Variants in PAPPA2 observed in about 807,000 individuals in gnomAD.
The protein encoded by PAPPA2 is pappalysin 2, also known as pappalysin-2.
In PAPPA2, 86 loss-of-function variants were observed where a neutral mutation model predicts 176.4. That is an observed-to-expected ratio of 0.49 (90% CI 0.41 to 0.58). The LOEUF is 0.58. Ranked by LOEUF, PAPPA2 falls within the 20% of genes least tolerant of loss-of-function variation. PAPPA2 has a pLI of 0.00. For missense variants in PAPPA2, 2,073 were observed against 2,256.9 expected (o/e 0.92, Z 1.65); for synonymous variants, 809 against 852.2 (o/e 0.95, Z 0.88).
intron 1 of PAPPA2, among the ~76,000 whole-genome samples, chr1:176,500,131 G>A (rs1490725836): frequency 1.5e-5 from 2 of 134,728 alleles, no homozygotes; most frequent in Non-Finnish European, 3.2e-5. Context: ...AAATATGTAA[G>A]TACATAAAAA....
chr1:176,513,936 T>C (rs1370581912), intron 1 of PAPPA2, among the ~76,000 whole-genome samples: 1 of 152,132 alleles, frequency 6.6e-6, no homozygotes, highest in Non-Finnish European at 1.5e-5. Context: ...AAGAGCATCA[T>C]CCATCCACAT....
Position 176,540,949 on chromosome 1 carries a change from T to C in PAPPA2, c.-916-14458T>C, listed in dbSNP as rs118119323. Among the ~76,000 whole-genome samples, 141 of 152,232 alleles carry C rather than the reference T, an allele frequency of 9.3e-4. 5 individuals are homozygous for C. In the East Asian group the frequency reaches 0.026, roughly 29 times the overall value. ...GGCCTCTGTAACCAACATTTTTCAG[T>C]GATAATTTGAGGCACATTATGTGGC... On this transcript the variant is annotated intron_variant, in intron 1 of 22. Coordinates refer to ENST00000367662, the MANE Select transcript of PAPPA2 (RefSeq NM_020318.3).
At chr1:176,652,887 C>T (rs565770439) in intron 3 of PAPPA2, among the ~76,000 whole-genome samples, 9 of 151,812 alleles carry the variant, frequency 5.9e-5, no homozygotes, top group East Asian at 2.0e-4. Context: ...GTCCAATTCT[C>T]ACTTCTCTGC....
intron 17 of PAPPA2, among the ~76,000 whole-genome samples, chr1:176,771,822 A>G (rs565265532): frequency 9.6e-4 from 146 of 152,312 alleles, no homozygotes; most frequent in African/African-American, 3.3e-3. Flanking sequence ...CCGAAAGAAC[A>G]AAAGCTTTAT....
chr1:176,733,499 A>G (rs571648995), intron 12 of PAPPA2, among the ~76,000 whole-genome samples: 1 of 152,210 alleles, frequency 6.6e-6, no homozygotes, highest in Non-Finnish European at 1.5e-5. Context: ...TTCCTGTTTC[A>G]TTGTTACTAA....
intron 2 of PAPPA2, among the ~76,000 whole-genome samples, chr1:176,585,543 T>C (rs1653254064): frequency 6.6e-6 from 1 of 152,114 alleles, no homozygotes; most frequent in Non-Finnish European, 1.5e-5. Flanking sequence ...ACATGAGAAG[T>C]TTTTCACTAT....
intron 12 of PAPPA2, among the ~76,000 whole-genome samples, chr1:176,722,329 T>G (rs1428933671): frequency 6.6e-6 from 1 of 151,998 alleles, no homozygotes; most frequent in Non-Finnish European, 1.5e-5. Context: ...AGATTTTTTT[T>G]TTTTGGACAT....
At chr1:176,719,944 C>T (rs556431795) in intron 12 of PAPPA2, among the ~76,000 whole-genome samples, 3 of 152,270 alleles carry the variant, frequency 2.0e-5, no homozygotes, top group Non-Finnish European at 2.9e-5. Flanking sequence ...AGACTTTGAA[C>T]GAAATGATGT....
intron 12 of PAPPA2, among the ~76,000 whole-genome samples, chr1:176,712,532 T>C (rs1388969506): frequency 6.6e-6 from 1 of 152,238 alleles, no homozygotes; most frequent in Non-Finnish European, 1.5e-5. Flanking sequence ...TTCATTTTCA[T>C]TGTGGTATAA....
intron 1 of PAPPA2, among the ~76,000 whole-genome samples, chr1:176,540,617 G>T (rs1414135732): frequency 6.6e-6 from 1 of 152,182 alleles, no homozygotes; most frequent in African/African-American, 2.4e-5. Context: ...CTTCCTGGAA[G>T]ATTAGGTAAA....
At chr1:176,513,160 TCA>T (rs1648716431) in intron 1 of PAPPA2, among the ~76,000 whole-genome samples, 1 of 64,578 alleles carries the variant, frequency 1.5e-5, no homozygotes, top group Non-Finnish European at 3.0e-5. Flanking sequence ...TTTCTGTCTA[TCA>T]TCATCATCAT....
At chr1:176,481,946 A>G (rs902183790) in intron 1 of PAPPA2, among the ~76,000 whole-genome samples, 32 of 152,086 alleles carry the variant, frequency 2.1e-4, no homozygotes, top group Admixed American at 1.9e-3. Context: ...TCCTGACCTC[A>G]AGTGATCCAC....
At chr1:176,754,701 A>T (rs1034031038) in intron 14 of PAPPA2, among the ~76,000 whole-genome samples, 1 of 152,256 alleles carries the variant, frequency 6.6e-6, no homozygotes, top group African/African-American at 2.4e-5. Context: ...TTTTGCTCAG[A>T]GCTGGCCCTG....
chr1:176,741,334 T>G (rs1275358052), intron 14 of PAPPA2, among the ~76,000 whole-genome samples: 4 of 152,160 alleles, frequency 2.6e-5, no homozygotes. Context: ...ACATCCAAGC[T>G]CACTCATAAG....
At chr1:176,473,298 T>A (rs1353414122) in intron 1 of PAPPA2, among the ~76,000 whole-genome samples, 1 of 152,200 alleles carries the variant, frequency 6.6e-6, no homozygotes, top group Non-Finnish European at 1.5e-5. Flanking sequence ...TACAGCCTTT[T>A]CGGATTGGCT....
chr1:176,639,085 C>T (rs1656909131), intron 3 of PAPPA2, among the ~76,000 whole-genome samples: 1 of 151,814 alleles, frequency 6.6e-6, no homozygotes, highest in Admixed American at 6.6e-5. Context: ...TGAGGCTAAA[C>T]AGAAGACCCA....
chr1:176,789,713 T>C, intron 17 of PAPPA2, 96 bp from the exon 18 acceptor site: 1 of 1,369,654 alleles, frequency 7.3e-7, no homozygotes. Flanking sequence ...TGTCCCTGCC[T>C]ATTTGCTAAT....
intron 3 of PAPPA2, among the ~76,000 whole-genome samples, chr1:176,623,769 T>TTCTTTCTTTC (rs1655830035): frequency 9.0e-6 from 1 of 111,722 alleles, no homozygotes; most frequent in Non-Finnish European, 1.9e-5. Context: ...CTTTCTTTCT[T>TTCTTTCTTTC]TCTTTCTTTC....
chr1:176,616,901 C>T, intron 3 of PAPPA2: 1 of 424,218 alleles, frequency 2.4e-6, no homozygotes, highest in Admixed American at 3.6e-5. Flanking sequence ...TTGAAATTCT[C>T]AGTGCTTTGA....
Sources: gnomAD v4.1 joint callset for allele counts (sites outside exome capture counted in the v4.1 genomes callset) on GRCh38, gnomAD v4.1.1 for gene constraint, MANE v1.5 for transcripts, NCBI Gene and HGNC (gene_info 2026-07-23, HGNC 2026-07-21) for gene names.